Variants in DAPK1 observed in about 807,000 individuals in gnomAD.
The protein encoded by DAPK1 is death-associated protein kinase 1.
In DAPK1, 56 loss-of-function variants were observed where a neutral mutation model predicts 144.9. That is an observed-to-expected ratio of 0.39 (90% CI 0.31 to 0.48). DAPK1 has a LOEUF of 0.48. Ranked by LOEUF, DAPK1 falls within the 20% of genes least tolerant of loss-of-function variation. DAPK1 has a pLI of 0.95. For synonymous variants in DAPK1, 690 were observed against 749.0 expected, an observed-to-expected ratio of 0.92 and a Z score of 1.29; for missense variants, 1,454 against 1,875.4, an observed-to-expected ratio of 0.78 and a Z score of 4.15.
chr9:87,706,380 C>T lies in DAPK1; in HGVS notation c.3309C>T (p.Val1103=), dbSNP rs1470256206. Residue 1103 remains valine (V), a synonymous_variant, in exon 26 of 26, where the codon GTC becomes GTT. Transcript: ENST00000408954. This position sits in a 1 kb window ranked among gnomAD's most constrained non-coding sequence, Gnocchi z 9.0. ...RDLSSGTMVD[V]PALIKTDNLH... is the part of the protein sequence containing the mutation. The stretch of plus-strand genomic sequence containing the variant: ...TGAGCAGCGGGACCATGGTGGACGT[C>T]CCAGCCCTGATCAAGACAGACAACC... 6 of 1,610,724 alleles carry T rather than the reference C, an allele frequency of 3.7e-6. No individual in the cohort carries two copies. Among genetic ancestry groups the T allele is most frequent in the South Asian group, 3.3e-5 (3 of 90,480 alleles).
chr9:87,525,762 TG>T (rs747124485), intron 2 of DAPK1, among the ~76,000 whole-genome samples: 32 of 152,134 alleles, frequency 2.1e-4, no homozygotes, highest in Non-Finnish European at 3.8e-4. Flanking sequence ...GCACCCAGCA[TG>T]GGGCAGGTGC....
At chr9:87,685,956 G>A (rs765786373) in intron 20 of DAPK1, among the ~76,000 whole-genome samples, 1 of 152,130 alleles carries the variant, frequency 6.6e-6, no homozygotes, top group South Asian at 2.1e-4. Context: ...TGCTAAAATC[G>A]GAAGGCCTCA....
At chr9:87,610,628 A>G (rs764661632) in intron 3 of DAPK1, among the ~76,000 whole-genome samples, 41 of 152,330 alleles carry the variant, frequency 2.7e-4, no homozygotes, top group Middle Eastern at 3.4e-3. Flanking sequence ...TTCAAACCCA[A>G]GTGCCCTTAG....
chr9:87,670,800 T>C (rs1236115309), intron 19 of DAPK1, among the ~76,000 whole-genome samples: 1 of 152,128 alleles, frequency 6.6e-6, no homozygotes, highest in Non-Finnish European at 1.5e-5. Flanking sequence ...AGTCAGCTCA[T>C]TGTGAGGCGG....
intron 2 of DAPK1, among the ~76,000 whole-genome samples, chr9:87,503,233 T>C (rs1824473589): frequency 1.3e-5 from 2 of 151,992 alleles, no homozygotes; most frequent in African/African-American, 4.8e-5. Context: ...TATATGTATA[T>C]GTTTTTTATA....
chr9:87,501,245 C>A (rs527756732), intron 2 of DAPK1, among the ~76,000 whole-genome samples: 3 of 152,252 alleles, frequency 2.0e-5, no homozygotes, highest in East Asian at 1.9e-4. Context: ...CTTGGCCAGG[C>A]GAGGTGGCTC....
At position 87,571,487 on chromosome 9, in the gene DAPK1, A is replaced by C. The variant is rs1466239512; in HGVS notation, c.63-33467A>C. Among the ~76,000 whole-genome samples the C allele has an allele frequency of 2.6e-3, 144 of 55,766 alleles. 10 individuals are homozygous for C. The highest frequency in any genetic ancestry group is 0.012 in the African/African-American group (131 of 10,756). The allele number at this position is 55,766 out of a possible 152,430, so 36.6% of individuals were successfully genotyped here. A position where few individuals can be genotyped will look rare whatever the true frequency, so the allele number is the denominator to read the frequency against. On this transcript the variant is annotated intron_variant, in intron 2 of 25. Coordinates refer to ENST00000408954, the MANE Select transcript of DAPK1 (RefSeq NM_004938.4). ...CACACACACACACCAACACACACACACACACACCCCAACACACACACACAC... is the reference window on the plus strand; with the variant it reads ...CACACACACACACCAACACACACACCCACACACCCCAACACACACACACAC...
intron 18 of DAPK1, among the ~76,000 whole-genome samples, chr9:87,666,662 CGG>C (rs1831065343): frequency 6.6e-6 from 1 of 151,784 alleles, no homozygotes; most frequent in Non-Finnish European, 1.5e-5. Context: ...TTAGTAAAGA[CGG>C]GGTTTCACCA....
Position 87,538,490 on chromosome 9 carries a change from T to C in DAPK1, c.62+39351T>C, listed in dbSNP as rs1451118526. On this transcript the variant is annotated intron_variant, in intron 2 of 25. Transcript: ENST00000408954. ...CTATATCCTTCCATTCGCCTTAAGA[T>C]TCTATTATTTTCTCACTTTGAAAGG... Among the ~76,000 whole-genome samples the C allele has an allele frequency of 2.6e-5, 4 of 152,340 alleles. No individual in the cohort carries two copies. In the East Asian group the frequency reaches 7.7e-4, roughly 29 times the overall value.
chr9:87,638,223 C>T lies in DAPK1; in HGVS notation c.423+142C>T, dbSNP rs36211020. 1,899 of 906,632 alleles carry T rather than the reference C, an allele frequency of 2.1e-3. 21 individuals are homozygous for T. The highest frequency in any genetic ancestry group is 0.021 in the African/African-American group (1,252 of 60,004). 56.2% of individuals were successfully genotyped at this position (906,632 alleles called of 1,614,324 possible). On this transcript the variant is annotated intron_variant, in intron 4 of 25. Transcript: ENST00000408954. ...AACAAACAGAAATATCACTATAAATCGGCAAGCATAGGATACATGCCCCCC... is the reference window on the plus strand; with the variant it reads ...AACAAACAGAAATATCACTATAAATTGGCAAGCATAGGATACATGCCCCCC...
intron 3 of DAPK1, among the ~76,000 whole-genome samples, chr9:87,631,334 C>A (rs1263772213): frequency 6.6e-6 from 1 of 152,174 alleles, no homozygotes; most frequent in Non-Finnish European, 1.5e-5. Context: ...TCTTGCAATA[C>A]CTTCTCCTGC....
chr9:87,541,442 G>A (rs75768082), intron 2 of DAPK1, among the ~76,000 whole-genome samples: 1,867 of 151,926 alleles, frequency 0.012, 30 homozygotes, highest in African/African-American at 0.043. Flanking sequence ...CCAGTTGTTC[G>A]GTAGGCTGAG....
chr9:87,602,028 G>A (rs1187473732), intron 2 of DAPK1, among the ~76,000 whole-genome samples: 1 of 152,156 alleles, frequency 6.6e-6, no homozygotes, highest in African/African-American at 2.4e-5. Flanking sequence ...AGTCTGGGAG[G>A]GTGGGAAAGG....
In DAPK1 at chr9:87,659,407, G is replaced by C. The variant is rs141917416; in HGVS notation, c.1923+1280G>C. On this transcript the variant is annotated intron_variant, in intron 18 of 25. Coordinates refer to ENST00000408954, the MANE Select transcript of DAPK1 (RefSeq NM_004938.4). ...CCATTGTCAAGCCCTGCCCAGCCAT[G>C]CTTGGGCACAGGTTCCAGTTACTCC... Among the ~76,000 whole-genome samples the C allele has an allele frequency of 1.1e-3, 162 of 152,306 alleles. 1 individual carries two copies. In the East Asian group the frequency reaches 0.031, roughly 29 times the overall value.
At chr9:87,640,946 A>T in intron 9 of DAPK1, 99 bp downstream of exon 9, 1 of 1,151,548 alleles carries the variant, frequency 8.7e-7, no homozygotes, top group Non-Finnish European at 1.3e-6. Flanking sequence ...ACCACAGGTC[A>T]CACCTGGAGT....
chr9:87,660,284 C>T (rs1830796105), intron 18 of DAPK1, among the ~76,000 whole-genome samples: 2 of 151,970 alleles, frequency 1.3e-5, no homozygotes, highest in South Asian at 4.2e-4. Flanking sequence ...GGGAGGGTTC[C>T]GCAGGGCCGG....
intron 2 of DAPK1, among the ~76,000 whole-genome samples, chr9:87,502,440 G>A (rs1160533672): frequency 1.3e-5 from 2 of 152,122 alleles, no homozygotes; most frequent in Non-Finnish European, 2.9e-5. Flanking sequence ...TTATACCGAG[G>A]TGTTTTAATG....
intron 25 of DAPK1, among the ~76,000 whole-genome samples, chr9:87,705,654 AAGG>A (rs1222784963): frequency 1.4e-4 from 22 of 152,302 alleles, no homozygotes; most frequent in East Asian, 9.7e-4. Context: ...TATATCTCCT[AAGG>A]AGAAGGATAT....
At chr9:87,639,005 A>G (rs1829994743) in intron 4 of DAPK1, among the ~76,000 whole-genome samples, 1 of 152,190 alleles carries the variant, frequency 6.6e-6, no homozygotes, top group Non-Finnish European at 1.5e-5. Context: ...CCCTCCTGCT[A>G]CAATTGGAAT....
Sources: gnomAD v4.1 joint callset for allele counts (sites outside exome capture counted in the v4.1 genomes callset) on GRCh38, gnomAD v4.1.1 for gene constraint, Gnocchi (gnomAD v3.1) non-coding constraint, MANE v1.5 for transcripts, NCBI Gene and HGNC (gene_info 2026-07-23, HGNC 2026-07-21) for gene names.